Variants in UNC5D observed in about 807,000 individuals in gnomAD.
The protein encoded by UNC5D is netrin receptor UNC5D.
In UNC5D, 39 loss-of-function variants were observed where a neutral mutation model predicts 105.4. The ratio of observed to expected loss-of-function variants is 0.37; its 90% CI spans 0.29 to 0.48. The LOEUF is 0.48. Ranked by LOEUF, UNC5D falls within the 20% of genes least tolerant of loss-of-function variation. The pLI is 0.98. For synonymous variants in UNC5D, 452 were observed against 450.4 expected, an observed-to-expected ratio of 1.00 and a Z score of -0.04; for missense variants, 991 against 1,202.4, an observed-to-expected ratio of 0.82 and a Z score of 2.60.
intron 1 of UNC5D, among the ~76,000 whole-genome samples, chr8:35,257,280 T>G (rs1366459352): frequency 1.3e-5 from 2 of 152,146 alleles, no homozygotes; most frequent in Non-Finnish European, 2.9e-5. Flanking sequence ...GGCTATCTCT[T>G]ATATTACCTG....
At chr8:35,460,269 T>C (rs1022087524) in intron 1 of UNC5D, among the ~76,000 whole-genome samples, 4 of 152,164 alleles carry the variant, frequency 2.6e-5, no homozygotes, top group Admixed American at 2.0e-4. Context: ...AAAACATTCC[T>C]GAGGCTTGCT....
At chr8:35,680,827 T>C (rs1825609239) in intron 4 of UNC5D, among the ~76,000 whole-genome samples, 1 of 152,158 alleles carries the variant, frequency 6.6e-6, no homozygotes, top group African/African-American at 2.4e-5. Flanking sequence ...CTCTACTTCC[T>C]GACAAACTGT....
At chr8:35,458,260 C>A (rs1808635528) in intron 1 of UNC5D, among the ~76,000 whole-genome samples, 1 of 152,048 alleles carries the variant, frequency 6.6e-6, no homozygotes, top group African/African-American at 2.4e-5. Context: ...AAATGCCTCC[C>A]AGTACCTTTC....
intron 1 of UNC5D, among the ~76,000 whole-genome samples, chr8:35,374,774 T>C (rs764182595): frequency 4.6e-5 from 7 of 152,234 alleles, no homozygotes; most frequent in Admixed American, 2.0e-4. Flanking sequence ...TTTGGAGTTA[T>C]AGAACTTTTT....
intron 4 of UNC5D, among the ~76,000 whole-genome samples, chr8:35,613,308 C>G (rs188657044): frequency 6.6e-6 from 1 of 152,208 alleles, no homozygotes; most frequent in African/African-American, 2.4e-5. Flanking sequence ...CATTAGGGCT[C>G]AGGTGATCTG....
At chr8:35,463,090 G>A (rs970723199) in intron 1 of UNC5D, among the ~76,000 whole-genome samples, 1 of 152,092 alleles carries the variant, frequency 6.6e-6, no homozygotes, top group Non-Finnish European at 1.5e-5. Flanking sequence ...GGACTATAAC[G>A]TGCATAGTTA....
chr8:35,544,507 G>C lies in UNC5D; in HGVS notation c.104-4785G>C, dbSNP rs1331454425. ...TCTGTGCTGGGACTTCCGGGTTCCT[G>C]TTGGACTTTTCCTCCCAAACTTCAC... is the stretch of plus-strand genomic sequence containing the variant. On this transcript the variant is annotated intron_variant, in intron 1 of 16. Coordinates refer to ENST00000404895, the MANE Select transcript of UNC5D (RefSeq NM_080872.4). 1.9e-6 allele frequency: 3 copies of C among 1,609,058 alleles called. No homozygotes were observed. The African/African-American group carries it at 4.0e-5, about 22-fold the overall frequency.
chr8:35,631,045 G>T (rs1015634838), intron 4 of UNC5D, among the ~76,000 whole-genome samples: 2 of 152,218 alleles, frequency 1.3e-5, no homozygotes, highest in African/African-American at 4.8e-5. Context: ...GGGCACAGTG[G>T]CTCAAGCCTG....
intron 1 of UNC5D, among the ~76,000 whole-genome samples, chr8:35,365,591 C>CAAAAAAAAAA (rs10715369): frequency 1.2e-4 from 6 of 49,884 alleles, no homozygotes; most frequent in Admixed American, 1.0e-3. Flanking sequence ...CCATCCCCTG[C>CAAAAAAAAAA]AAAAAAAAAA....
At chr8:35,699,291 A>C (rs1203199258) in intron 7 of UNC5D, among the ~76,000 whole-genome samples, 2 of 152,206 alleles carry the variant, frequency 1.3e-5, no homozygotes, top group African/African-American at 4.8e-5. Context: ...AGGGAAGACT[A>C]CATCTCCTGA....
At chr8:35,477,781 C>A (rs75847020) in intron 1 of UNC5D, among the ~76,000 whole-genome samples, 1 of 151,830 alleles carries the variant, frequency 6.6e-6, no homozygotes, top group Admixed American at 6.6e-5. Flanking sequence ...TGATACATAG[C>A]GCAACTTATA....
At chr8:35,437,562 A>T (rs1418111523) in intron 1 of UNC5D, among the ~76,000 whole-genome samples, 1 of 152,062 alleles carries the variant, frequency 6.6e-6, no homozygotes, top group Non-Finnish European at 1.5e-5. Context: ...GCCAACCAAC[A>T]TTTATATACA....
At chr8:35,248,321 GTTATATAAAAT>G (rs1803341065) in intron 1 of UNC5D, among the ~76,000 whole-genome samples, 2 of 115,480 alleles carry the variant, frequency 1.7e-5, no homozygotes, top group African/African-American at 7.3e-5. Context: ...ATAAATATAT[GTTATATAAAAT>G]ATATAATATA....
chr8:35,423,216 T>A (rs989788332), intron 1 of UNC5D, among the ~76,000 whole-genome samples: 4 of 152,128 alleles, frequency 2.6e-5, no homozygotes, highest in African/African-American at 9.6e-5. Flanking sequence ...TGAGCAAGAG[T>A]CCTCCTTGTG....
rs1278170104 is a variant in UNC5D, at chr8:35,574,966, AC to A, written c.466+6726del. On this transcript the variant is annotated intron_variant, in intron 3 of 16. Coordinates refer to ENST00000404895, the MANE Select transcript of UNC5D (RefSeq NM_080872.4). Reference sequence around the variant, plus strand: ...GGCCATCTTGCATGCTGTTTCCTTCACAAAACCTAGTTTAGCAAATCCCCTA... The same window carrying A: ...GGCCATCTTGCATGCTGTTTCCTTCAAAAACCTAGTTTAGCAAATCCCCTA... 5.3e-5 allele frequency among the ~76,000 whole-genome samples: 8 copies of A among 152,058 alleles called. No individual in the cohort carries two copies. In the East Asian group the frequency reaches 1.5e-3, roughly 29 times the overall value.
chr8:35,530,238 G>C (rs1250328409), intron 1 of UNC5D, among the ~76,000 whole-genome samples: 1 of 145,992 alleles, frequency 6.8e-6, no homozygotes, highest in Non-Finnish European at 1.5e-5. Context: ...CTAATTTATT[G>C]AGAGTTTTTA....
intron 1 of UNC5D, among the ~76,000 whole-genome samples, chr8:35,467,601 A>G (rs916503440): frequency 6.6e-6 from 1 of 151,954 alleles, no homozygotes; most frequent in Non-Finnish European, 1.5e-5. Flanking sequence ...AGAAGAAAAA[A>G]TCAGACTTGT....
intron 3 of UNC5D, among the ~76,000 whole-genome samples, chr8:35,570,801 A>AT (rs1563546151): frequency 2.0e-5 from 3 of 151,216 alleles, no homozygotes; most frequent in Non-Finnish European, 4.4e-5. Context: ...TGAAAAAAAA[A>AT]GAAAAAATTA....
chr8:35,317,025 T>C (rs1585568630), intron 1 of UNC5D, among the ~76,000 whole-genome samples: 1 of 152,284 alleles, frequency 6.6e-6, no homozygotes, highest in African/African-American at 2.4e-5. Context: ...ATGCTAGCAT[T>C]TTGGAAGAAA....
Sources: allele counts gnomAD v4.1 joint callset (sites outside exome capture counted in the v4.1 genomes callset), GRCh38; gene constraint gnomAD v4.1.1; transcripts MANE v1.5; gene names NCBI Gene and HGNC (gene_info 2026-07-23, HGNC 2026-07-21).